Variants in BMERB1 observed in about 807,000 individuals in gnomAD.
BMERB1 encodes the protein bMERB domain containing 1.
BMERB1 carries 12 observed loss-of-function variants against 23.6 expected under a neutral mutation model. That is an observed-to-expected ratio of 0.51 (90% CI 0.33 to 0.82). The LOEUF is 0.82. Among genes scored for constraint, BMERB1 ranks in the 40% least tolerant of loss-of-function variants. BMERB1 has a pLI of 0.03. For synonymous variants in BMERB1, 122 were observed against 96.6 expected, an observed-to-expected ratio of 1.26 and a Z score of -1.54; for missense variants, 247 against 255.4, an observed-to-expected ratio of 0.97 and a Z score of 0.22.
At chr16:15,539,697 G>C (rs1215481821) in intron 2 of BMERB1, among the ~76,000 whole-genome samples, 1 of 151,986 alleles carries the variant, frequency 6.6e-6, no homozygotes, top group Admixed American at 6.6e-5. Context: ...ACAAAAATTA[G>C]CTGGGCGTGG....
chr16:15,570,126 A>G (rs2030686036), intron 3 of BMERB1, among the ~76,000 whole-genome samples: 1 of 152,144 alleles, frequency 6.6e-6, no homozygotes, highest in South Asian at 2.1e-4. Context: ...AGGCCAGATA[A>G]GCACCCACCA....
chr16:15,546,989 G>A (rs922999255), intron 2 of BMERB1, among the ~76,000 whole-genome samples: 1 of 150,586 alleles, frequency 6.6e-6, no homozygotes, highest in African/African-American at 2.4e-5. Flanking sequence ...TCCAGCCTTT[G>A]TATAAGGGCA....
intron 1 of BMERB1, among the ~76,000 whole-genome samples, chr16:15,469,989 T>G (rs1297051791): frequency 6.6e-6 from 1 of 152,214 alleles, no homozygotes; most frequent in African/African-American, 2.4e-5. Flanking sequence ...TTTCTTGTTT[T>G]ATTGCACTGG....
intron 2 of BMERB1, among the ~76,000 whole-genome samples, chr16:15,537,993 T>G (rs1178209341): frequency 6.6e-6 from 1 of 152,146 alleles, no homozygotes; most frequent in Non-Finnish European, 1.5e-5. Flanking sequence ...TATGAAAGCA[T>G]TTTGGAGCTA....
chr16:15,587,493 C>CA lies in BMERB1; in HGVS notation c.*665dup. Reference sequence around the variant, plus strand: ...ATCAGGACAGCGTCCATTGTGCTCTCAGTCTGCCTCAGGTGTGTGCCTGGA... The same window carrying CA: ...ATCAGGACAGCGTCCATTGTGCTCTCAAGTCTGCCTCAGGTGTGTGCCTGGA... On this transcript the variant is annotated 3_prime_UTR_variant, in exon 6 of 6. Transcript: ENST00000300006. 4.6e-6 allele frequency: 2 copies of CA among 433,040 alleles called. No homozygotes were observed. The highest frequency in any genetic ancestry group is 9.4e-6 in the Non-Finnish European group (2 of 213,344). The allele number at this position is 433,040 out of a possible 1,614,324, so 26.8% of individuals were successfully genotyped here.
rs2030734278 is a variant in BMERB1, at chr16:15,571,802, C to T, written c.304+3746C>T. On this transcript the variant is annotated intron_variant, in intron 3 of 5. Transcript: ENST00000300006. The stretch of plus-strand genomic sequence containing the variant: ...AAGACAAGACTATAAATCATCGTCC[C>T]TCCGCCCACCCGGAGACAAATGCAC... 2.0e-5 allele frequency among the ~76,000 whole-genome samples: 3 copies of T among 152,242 alleles called. No homozygotes were observed. The South Asian group carries it at 6.2e-4, about 32-fold the overall frequency.
chr16:15,586,202 A>G lies in BMERB1; in HGVS notation c.503-515A>G, dbSNP rs184066835. 5.9e-5 allele frequency among the ~76,000 whole-genome samples: 9 copies of G among 152,304 alleles called. No individual in the cohort carries two copies. The East Asian group carries it at 1.7e-3, about 29-fold the overall frequency. On this transcript the variant is annotated intron_variant, in intron 5 of 5. Coordinates refer to ENST00000300006, the MANE Select transcript of BMERB1 (RefSeq NM_033201.3). Reference sequence around the variant, plus strand: ...ACAAAGAGAAAAAGAGATGAGAAATATGAAAGAGAAGTTATAAAACCGAGA... The same window carrying G: ...ACAAAGAGAAAAAGAGATGAGAAATGTGAAAGAGAAGTTATAAAACCGAGA...
intron 2 of BMERB1, among the ~76,000 whole-genome samples, chr16:15,551,380 G>A (rs1167913863): frequency 1.3e-5 from 2 of 152,230 alleles, no homozygotes; most frequent in Non-Finnish European, 2.9e-5. Context: ...AGGAGGTGCA[G>A]TCTGTTGAGG....
chr16:15,555,043 C>T (rs2030214470), intron 2 of BMERB1, among the ~76,000 whole-genome samples: 1 of 152,092 alleles, frequency 6.6e-6, no homozygotes, highest in Admixed American at 6.6e-5. Flanking sequence ...GACAGGGTCT[C>T]ACTCTGTCAA....
At chr16:15,467,659 T>G (rs1399537790) in intron 1 of BMERB1, among the ~76,000 whole-genome samples, 5 of 152,166 alleles carry the variant, frequency 3.3e-5, no homozygotes. Flanking sequence ...TTTTTCACTT[T>G]CTTGTCAATG....
chr16:15,488,902 CAAAAAAAA>C (rs769821665), intron 1 of BMERB1, among the ~76,000 whole-genome samples: 1 of 57,762 alleles, frequency 1.7e-5, no homozygotes, highest in Admixed American at 1.9e-4. Flanking sequence ...ACTGCATATG[CAAAAAAAA>C]AAAAAAAAAA....
At chr16:15,463,269 A>ATATATATATATATATATTTTTTTTTTTTT (rs1180090455) in intron 1 of BMERB1, among the ~76,000 whole-genome samples, 1 of 148,530 alleles carries the variant, frequency 6.7e-6, no homozygotes, top group African/African-American at 2.6e-5. Context: ...ATATATATAT[A>ATATATATATATATATATTTTTTTTTTTTT]TTTTGTAGAG....
chr16:15,512,735 T>C (rs143501067), intron 1 of BMERB1, among the ~76,000 whole-genome samples: 4,477 of 151,602 alleles, frequency 0.03, 210 homozygotes, highest in South Asian at 0.11. Context: ...AAAAATTAGC[T>C]GGGCATGGTG....
At chr16:15,547,099 G>T (rs2029942228) in intron 2 of BMERB1, among the ~76,000 whole-genome samples, 1 of 149,008 alleles carries the variant, frequency 6.7e-6, no homozygotes, top group South Asian at 2.1e-4. Flanking sequence ...TACAACCTCT[G>T]CCTCCTAGGT....
chr16:15,576,204 C>T (rs1270260607), intron 3 of BMERB1, among the ~76,000 whole-genome samples: 2 of 151,944 alleles, frequency 1.3e-5, no homozygotes, highest in South Asian at 2.1e-4. Flanking sequence ...CCACCATGCC[C>T]GGCAAATTTT....
intron 2 of BMERB1, among the ~76,000 whole-genome samples, chr16:15,560,819 A>G (rs561281745): frequency 3.7e-4 from 56 of 151,934 alleles, no homozygotes; most frequent in South Asian, 2.1e-3. Flanking sequence ...AAATAAATAA[A>G]TAAAAATAAA....
intron 1 of BMERB1, among the ~76,000 whole-genome samples, chr16:15,510,175 A>G (rs1846657912): frequency 6.6e-6 from 1 of 152,058 alleles, no homozygotes; most frequent in Admixed American, 6.6e-5. Context: ...GAACTCCAAG[A>G]GATTAAATTC....
chr16:15,501,369 T>C (rs571844307), intron 1 of BMERB1, among the ~76,000 whole-genome samples: 74 of 147,398 alleles, frequency 5.0e-4, no homozygotes, highest in Non-Finnish European at 9.7e-4. Flanking sequence ...CTTGGCTCAC[T>C]GCAACCTCCG....
chr16:15,520,280 G>A (rs2051834632), intron 2 of BMERB1, among the ~76,000 whole-genome samples: 3 of 151,948 alleles, frequency 2.0e-5, no homozygotes, highest in South Asian at 4.1e-4. Flanking sequence ...TCAATGCCAG[G>A]ACCCCTTTTC....
Sources: allele counts gnomAD v4.1 joint callset (sites outside exome capture counted in the v4.1 genomes callset), GRCh38; gene constraint gnomAD v4.1.1; transcripts MANE v1.5; gene names NCBI Gene and HGNC (gene_info 2026-07-23, HGNC 2026-07-21).